SHROOM4: variants seen among roughly 807,000 people sequenced by gnomAD.
The protein encoded by SHROOM4 is shroom family member 4.
SHROOM4 carries 17 observed loss-of-function variants against 80.3 expected under a neutral mutation model. The ratio of observed to expected loss-of-function variants is 0.21; its 90% CI spans 0.14 to 0.32. The LOEUF (loss-of-function observed/expected upper bound fraction) is 0.32. SHROOM4 is among the 10% of genes least tolerant of loss of function. The pLI, the probability that SHROOM4 is intolerant of heterozygous loss-of-function variation, is 1.00. For missense variants in SHROOM4, 993 were observed against 1,140.3 expected (o/e 0.87, Z 1.86); for synonymous variants, 400 against 437.5 (o/e 0.91, Z 1.07).
chrX:50,781,956 C>A (rs1450218996), intron 1 of SHROOM4, among the ~76,000 whole-genome samples: 1 of 111,599 alleles, frequency 9.0e-6, no homozygotes, highest in African/African-American at 3.3e-5. Flanking sequence ...TACCTGTAAT[C>A]CCAGCACTTT....
intron 5 of SHROOM4, among the ~76,000 whole-genome samples, chrX:50,611,330 T>C (rs1929982020): frequency 9.2e-6 from 1 of 108,947 alleles, no homozygotes; most frequent in South Asian, 4.0e-4. Flanking sequence ...TTTTGTATTT[T>C]TAGTAGAGAC....
At chrX:50,766,005 G>T (rs972736314) in intron 1 of SHROOM4, among the ~76,000 whole-genome samples, 2 of 111,596 alleles carry the variant, frequency 1.8e-5, no homozygotes, top group African/African-American at 3.3e-5. Flanking sequence ...TGTCTTGCTA[G>T]TCTGAAAGTT....
chrX:50,576,266 A>C, the SHROOM4 span, among the ~76,000 whole-genome samples: 1 of 111,816 alleles, frequency 8.9e-6, no homozygotes, highest in Admixed American at 9.5e-5. Flanking sequence ...AGGACTCCCA[A>C]CTGATCTGGA....
chrX:50,752,021 T>C (rs1423402117), intron 1 of SHROOM4, among the ~76,000 whole-genome samples: 1 of 112,335 alleles, frequency 8.9e-6, no homozygotes, highest in Admixed American at 9.4e-5. Context: ...CTGTACCATA[T>C]CTGCATCTGA....
intron 2 of SHROOM4, among the ~76,000 whole-genome samples, chrX:50,639,403 A>C (rs1049576120): frequency 5.4e-5 from 6 of 111,072 alleles, no homozygotes; most frequent in African/African-American, 2.0e-4. Context: ...AAAAGAGAAA[A>C]CTCTGAGAAA....
chrX:50,656,012 G>A (rs896177539), intron 2 of SHROOM4, among the ~76,000 whole-genome samples: 5 of 111,480 alleles, frequency 4.5e-5, no homozygotes, highest in African/African-American at 1.6e-4. Flanking sequence ...GATTAGTGAC[G>A]TCAAACATTT....
At chrX:50,607,229 A>G (rs915410181) in intron 6 of SHROOM4, 152 bp downstream of exon 6, 1 of 520,973 alleles carries the variant, frequency 1.9e-6, no homozygotes, top group Non-Finnish European at 3.4e-6. Flanking sequence ...TGAAGCAAGT[A>G]TCATTATACC....
chrX:50,651,319 C>G (rs1261232041), intron 2 of SHROOM4, among the ~76,000 whole-genome samples: 2 of 112,170 alleles, frequency 1.8e-5, no homozygotes, highest in Non-Finnish European at 1.9e-5. Context: ...ATACACCATT[C>G]CATTTCATTC....
intron 2 of SHROOM4, among the ~76,000 whole-genome samples, chrX:50,672,273 A>AT (rs781907300): frequency 4.8e-4 from 54 of 112,216 alleles, no homozygotes; most frequent in Non-Finnish European, 7.5e-4. Context: ...ACACAGAGAC[A>AT]TGAAGTGAGA....
chrX:50,647,608 C>A (rs1557258105), intron 2 of SHROOM4, among the ~76,000 whole-genome samples: 2 of 111,551 alleles, frequency 1.8e-5, no homozygotes, highest in African/African-American at 6.5e-5. Context: ...GGAATAATAC[C>A]AGTTTTCTTT....
intron 1 of SHROOM4, among the ~76,000 whole-genome samples, chrX:50,765,710 T>C (rs1293854599): frequency 8.9e-6 from 1 of 112,137 alleles, no homozygotes; most frequent in Non-Finnish European, 1.9e-5. Flanking sequence ...CTCATTCACA[T>C]TTCCGTAAAC....
intron 1 of SHROOM4, among the ~76,000 whole-genome samples, chrX:50,806,013 G>T (rs1446409713): frequency 1.9e-5 from 2 of 107,946 alleles, no homozygotes; most frequent in Non-Finnish European, 3.8e-5. Context: ...AGACTAGAAG[G>T]GCTCACTGTG....
intron 2 of SHROOM4, among the ~76,000 whole-genome samples, chrX:50,652,457 G>C (rs1243580616): frequency 9.0e-6 from 1 of 111,597 alleles, no homozygotes; most frequent in African/African-American, 3.3e-5. Flanking sequence ...GTTCCTTGTA[G>C]ATTCTGGATA....
chrX:50,608,299 T>C, intron 5 of SHROOM4, 115 bp from the exon 6 acceptor site: 1 of 600,887 alleles, frequency 1.7e-6, no homozygotes, highest in Non-Finnish European at 2.7e-6. Context: ...GTAGTATGTG[T>C]AGTAAATGTA....
intron 7 of SHROOM4, 74 bp from the exon 8 acceptor site, chrX:50,598,609 C>T (rs1557247131): frequency 1.2e-5 from 13 of 1,104,933 alleles, no homozygotes; most frequent in Non-Finnish European, 1.2e-6. Context: ...CCTGTAACCT[C>T]TGTTTTGGAA....
At chrX:50,652,611 A>G (rs1932145000) in intron 2 of SHROOM4, among the ~76,000 whole-genome samples, 1 of 111,743 alleles carries the variant, frequency 8.9e-6, no homozygotes, top group African/African-American at 3.3e-5. Flanking sequence ...TTCTGTTGCC[A>G]TTGCTTTTGG....
At position 50,591,702 on chromosome X, in the gene SHROOM4, C is replaced by CTTTCTTTCTTTCT. The variant is rs1928891676; in HGVS notation, c.*4980_*4992dup. ...CTTTCTTTCTTTCTTTCTTTTCTTT[C>CTTTCTTTCTTTCT]TTTCTTTCTTTCTTTCTTTCTTTCT... On this transcript the variant is annotated 3_prime_UTR_variant, in exon 9 of 9. Transcript: ENST00000376020. 2 of 41,378 alleles carry CTTTCTTTCTTTCT rather than the reference C, an allele frequency of 4.8e-5. No individual in the cohort carries two copies. The highest frequency in any genetic ancestry group is 2.5e-4 in the Admixed American group (1 of 4,061). The allele number at this position is 41,378 out of a possible 1,213,427, so 3.4% of individuals were successfully genotyped here. A position where few individuals can be genotyped will look rare whatever the true frequency, so the allele number is the denominator to read the frequency against.
At chrX:50,754,469 T>C (rs191237783) in intron 1 of SHROOM4, among the ~76,000 whole-genome samples, 155 of 112,015 alleles carry the variant, frequency 1.4e-3, no homozygotes, top group Non-Finnish European at 2.3e-3. Context: ...TCCAATCATT[T>C]ATATTCGGAA....
chrX:50,682,593 T>G (rs782418537), intron 2 of SHROOM4, among the ~76,000 whole-genome samples: 41 of 111,670 alleles, frequency 3.7e-4, no homozygotes, highest in Non-Finnish European at 7.2e-4. Flanking sequence ...GTGTTGTTTA[T>G]GGGAGGAAGC....
Sources: gnomAD v4.1 joint callset for allele counts (sites outside exome capture counted in the v4.1 genomes callset) on GRCh38, gnomAD v4.1.1 for gene constraint, MANE v1.5 for transcripts, NCBI Gene and HGNC (gene_info 2026-07-23, HGNC 2026-07-21) for gene names.